RAI1: variants seen among roughly 807,000 people sequenced by gnomAD.
The protein encoded by RAI1 is retinoic acid induced 1, also known as retinoic acid-induced protein 1.
A neutral mutation model predicts 123.8 loss-of-function variants in RAI1; 9 were observed. That is an observed-to-expected ratio of 0.07 (90% CI 0.04 to 0.13). The LOEUF (loss-of-function observed/expected upper bound fraction) is 0.13, where lower values mean the gene tolerates loss of function less well. Ranked by LOEUF, RAI1 falls within the 10% of genes least tolerant of loss-of-function variation. The probability of loss-of-function intolerance (pLI) is 1.00; values close to 1 mark genes in which losing one functional copy is unlikely to be tolerated. For synonymous variants in RAI1, 1,231 were observed against 1,127.3 expected (o/e 1.09, Z -1.84); for missense variants, 2,256 against 2,545.8 (o/e 0.89, Z 2.45).
chr17:17,757,265 CAG>C (rs1245022525), intron 2 of RAI1, among the ~76,000 whole-genome samples: 1 of 152,190 alleles, frequency 6.6e-6, no homozygotes, highest in Non-Finnish European at 1.5e-5. Flanking sequence ...CATCTGGCTG[CAG>C]AGTCAGGAAA....
chr17:17,780,618 G>A (rs548251322), intron 2 of RAI1, among the ~76,000 whole-genome samples: 17 of 152,212 alleles, frequency 1.1e-4, no homozygotes, highest in Non-Finnish European at 1.9e-4. Context: ...TGAAATGACA[G>A]GTGATGTCAC....
At chr17:17,764,495 C>G (rs2030838925) in intron 2 of RAI1, among the ~76,000 whole-genome samples, 1 of 123,484 alleles carries the variant, frequency 8.1e-6, no homozygotes, top group Non-Finnish European at 1.7e-5. Flanking sequence ...TTTTTTGAGA[C>G]AAAATCTTGC....
intron 2 of RAI1, among the ~76,000 whole-genome samples, chr17:17,740,284 A>G (rs1045704786): frequency 2.0e-5 from 3 of 152,110 alleles, no homozygotes; most frequent in Non-Finnish European, 2.9e-5. Flanking sequence ...GACCCTGGCC[A>G]GGGGTCCCTA....
rs1210269256 is a variant in RAI1, at chr17:17,794,823, T to A, written c.1875T>A (p.Ala625=). The A allele has an allele frequency of 6.2e-7, 1 of 1,612,852 alleles. No individual in the cohort carries two copies. The highest frequency in any genetic ancestry group is 8.5e-7 in the Non-Finnish European group (1 of 1,179,994). ...CCATCGGTGAGAAGGCCGACAAAGC[T>A]TGGGCTGAAGCACCCAGCCTGGTCA... ...QEAIGEKADK[A]WAEAPSLVKD... Residue 625 remains alanine (A), a synonymous_variant, in exon 3 of 6, where the codon GCT becomes GCA. Transcript: ENST00000353383.
intron 2 of RAI1, among the ~76,000 whole-genome samples, chr17:17,780,308 C>G (rs1260796921): frequency 6.6e-6 from 1 of 152,060 alleles, no homozygotes; most frequent in African/African-American, 2.4e-5. Flanking sequence ...TCAAGTGATC[C>G]ACCCACCTTG....
At chr17:17,730,217 C>G (rs1422718235) in intron 2 of RAI1, among the ~76,000 whole-genome samples, 1 of 152,262 alleles carries the variant, frequency 6.6e-6, no homozygotes, top group African/African-American at 2.4e-5. Context: ...TAAATATCCC[C>G]TTCCTGCCCT....
Position 17,716,906 on chromosome 17 carries a change from G to A in RAI1, c.-148-7122G>A, listed in dbSNP as rs1915730504. On this transcript the variant is annotated intron_variant, in intron 1 of 5. Coordinates refer to ENST00000353383, the MANE Select transcript of RAI1 (RefSeq NM_030665.4). The stretch of plus-strand genomic sequence containing the variant: ...AGGCCCATCCCGATGTCCCTGGGTG[G>A]CCTGGTGGAATGTGCCCACGGGATG... Among the ~76,000 whole-genome samples the A allele has an allele frequency of 2.6e-5, 4 of 152,208 alleles. 1 individual carries two copies. The South Asian group carries it at 8.3e-4, about 32-fold the overall frequency.
chr17:17,775,654 T>C (rs2031319186), intron 2 of RAI1, among the ~76,000 whole-genome samples: 1 of 152,118 alleles, frequency 6.6e-6, no homozygotes, highest in East Asian at 1.9e-4. Context: ...TTACTAGTCA[T>C]GAAGTAAAAG....
intron 4 of RAI1, among the ~76,000 whole-genome samples, chr17:17,807,039 G>A (rs898876418): frequency 6.6e-6 from 1 of 152,120 alleles, no homozygotes; most frequent in Non-Finnish European, 1.5e-5. Context: ...ATCAGCAGGC[G>A]AGGGCTCATC....
At chr17:17,692,401 A>G (rs117108944) in intron 1 of RAI1, among the ~76,000 whole-genome samples, 6,479 of 152,300 alleles carry the variant, frequency 0.043, 218 homozygotes, top group Non-Finnish European at 0.063. Context: ...TTGAGTGCCT[A>G]CTATTGTGCC....
chr17:17,745,628 C>T (rs2029886997), intron 2 of RAI1, among the ~76,000 whole-genome samples: 1 of 152,162 alleles, frequency 6.6e-6, no homozygotes, highest in African/African-American at 2.4e-5. Flanking sequence ...AAACTCCTGA[C>T]CTCAGGTGAT....
intron 2 of RAI1, chr17:17,759,463 A>G (rs1449514713): frequency 6.6e-6 from 1 of 152,220 alleles, no homozygotes; most frequent in Non-Finnish European, 1.5e-5. Context: ...GTTTCCCTGC[A>G]GTCTCACCCC....
At chr17:17,784,658 C>G (rs912189244) in intron 2 of RAI1, among the ~76,000 whole-genome samples, 9 of 152,150 alleles carry the variant, frequency 5.9e-5, no homozygotes, top group Admixed American at 2.0e-4. Context: ...AAGCCGGAGA[C>G]CCCTATGCCG....
chr17:17,690,644 GT>G (rs1188488877), intron 1 of RAI1, among the ~76,000 whole-genome samples: 1 of 152,196 alleles, frequency 6.6e-6, no homozygotes. Flanking sequence ...ACAGAATAGT[GT>G]GCTTAGTAAA....
chr17:17,730,389 A>C (rs907617116), intron 2 of RAI1, among the ~76,000 whole-genome samples: 36 of 152,352 alleles, frequency 2.4e-4, no homozygotes, highest in East Asian at 5.8e-4. Flanking sequence ...CCGGGCAGGC[A>C]GTGCTGATGG....
intron 1 of RAI1, among the ~76,000 whole-genome samples, chr17:17,710,591 C>T (rs1040539325): frequency 6.6e-6 from 1 of 152,218 alleles, no homozygotes; most frequent in Non-Finnish European, 1.5e-5. Context: ...CCTGGGGAGG[C>T]CCTGCTGGCC....
intron 2 of RAI1, among the ~76,000 whole-genome samples, chr17:17,727,514 C>T (rs1300939161): frequency 6.6e-6 from 1 of 152,258 alleles, no homozygotes; most frequent in South Asian, 2.1e-4. Context: ...GGGCCACCCC[C>T]GACTGGGTGT....
chr17:17,750,503 C>G (rs2030112536), intron 2 of RAI1, among the ~76,000 whole-genome samples: 2 of 151,938 alleles, frequency 1.3e-5, no homozygotes, highest in Admixed American at 1.3e-4. Context: ...GGGTGGATCA[C>G]CTGAGGTCGA....
In RAI1 at chr17:17,796,718, A is replaced by G. The variant is rs762708091; in HGVS notation, c.3770A>G (p.Asp1257Gly). Residue 1257 changes from aspartate (D) to glycine (G), a missense_variant, in exon 3 of 6, where the codon GAT becomes GGT. Asp to Gly is a moderately conservative substitution (Grantham distance 94, BLOSUM62 -1). Coordinates refer to ENST00000353383, the MANE Select transcript of RAI1 (RefSeq NM_030665.4). The surrounding 1 kb of genome is among the most constrained non-coding windows in gnomAD (Gnocchi z 5.8). ...SSSNASGNGG[D>G]GKEERPEGSP... ...AGCAACGCCAGTGGCAATGGGGGAG[A>G]TGGGAAGGAGGAGAGGCCTGAGGGT... 3 of 1,613,304 alleles carry G rather than the reference A, an allele frequency of 1.9e-6. No homozygotes were observed. Among genetic ancestry groups the G allele is most frequent in the Admixed American group, 3.3e-5 (2 of 60,008 alleles).
Sources: allele counts gnomAD v4.1 joint callset (sites outside exome capture counted in the v4.1 genomes callset), GRCh38; gene constraint gnomAD v4.1.1; non-coding constraint Gnocchi (gnomAD v3.1); transcripts MANE v1.5; gene names NCBI Gene and HGNC (gene_info 2026-07-23, HGNC 2026-07-21).